MACROD2: variants seen among roughly 807,000 people sequenced by gnomAD.
The protein encoded by MACROD2 is ADP-ribose glycohydrolase MACROD2.
A neutral mutation model predicts 70.4 loss-of-function variants in MACROD2; 36 were observed. That is an observed-to-expected ratio of 0.51 (90% CI 0.39 to 0.68). The LOEUF (loss-of-function observed/expected upper bound fraction) is 0.68, where lower values mean the gene tolerates loss of function less well. Among genes scored for constraint, MACROD2 ranks in the 30% least tolerant of loss-of-function variants. The pLI, the probability that MACROD2 is intolerant of heterozygous loss-of-function variation, is 0.00. For synonymous variants in MACROD2, 172 were observed against 178.8 expected (o/e 0.96, Z 0.30); for missense variants, 496 against 538.4 (o/e 0.92, Z 0.78).
intron 6 of MACROD2, among the ~76,000 whole-genome samples, chr20:15,234,009 A>ATTTTTTTTTT (rs1342277075): frequency 1.0e-4 from 4 of 39,994 alleles, no homozygotes; most frequent in Non-Finnish European, 1.9e-4. Context: ...ATATATATAT[A>ATTTTTTTTTT]TTCTTTTTTT....
intron 2 of MACROD2, among the ~76,000 whole-genome samples, chr20:14,080,110 G>C (rs1265555953): frequency 6.6e-6 from 1 of 152,086 alleles, no homozygotes; most frequent in Non-Finnish European, 1.5e-5. Flanking sequence ...AAATATGGTA[G>C]TGCTTGGCTT....
chr20:14,706,771 G>T (rs1226756493), intron 5 of MACROD2, among the ~76,000 whole-genome samples: 3 of 152,020 alleles, frequency 2.0e-5, no homozygotes, highest in Admixed American at 6.6e-5. Flanking sequence ...ATCTCTGCTT[G>T]TTGGCAGAAA....
intron 4 of MACROD2, among the ~76,000 whole-genome samples, chr20:14,543,902 A>G (rs2327862): frequency 0.28 from 41,990 of 152,042 alleles, 6,089 homozygotes; most frequent in East Asian, 0.45. Flanking sequence ...TCTTATCAAA[A>G]AGAATTTCCC....
intron 13 of MACROD2, among the ~76,000 whole-genome samples, chr20:15,978,778 T>A (rs1367836340): frequency 6.6e-6 from 1 of 152,000 alleles, no homozygotes. Flanking sequence ...AAATGAAAGA[T>A]CCAAGAGACA....
chr20:15,633,949 C>G (rs1236546323), intron 8 of MACROD2, among the ~76,000 whole-genome samples: 1 of 152,134 alleles, frequency 6.6e-6, no homozygotes, highest in African/African-American at 2.4e-5. Flanking sequence ...TTTTTTTAAA[C>G]TCAAAAGTTT....
intron 5 of MACROD2, among the ~76,000 whole-genome samples, chr20:15,119,585 A>G (rs1465717349): frequency 6.6e-6 from 1 of 152,244 alleles, no homozygotes; most frequent in African/African-American, 2.4e-5. Flanking sequence ...AAAAAAGATT[A>G]AAGATTAATG....
intron 1 of MACROD2, among the ~76,000 whole-genome samples, chr20:13,997,095 A>G (rs562163709): frequency 5.3e-5 from 8 of 152,146 alleles, no homozygotes; most frequent in African/African-American, 1.9e-4. Flanking sequence ...TTTTTTTTTC[A>G]AATTTACTGC....
chr20:15,687,301 T>A (rs200320613), intron 8 of MACROD2, among the ~76,000 whole-genome samples: 26 of 147,332 alleles, frequency 1.8e-4, no homozygotes, highest in South Asian at 1.7e-3. Flanking sequence ...TATATATATT[T>A]TATATATATA....
intron 6 of MACROD2, among the ~76,000 whole-genome samples, chr20:15,341,645 A>G (rs2078111179): frequency 6.6e-6 from 1 of 152,238 alleles, no homozygotes; most frequent in Non-Finnish European, 1.5e-5. Flanking sequence ...TATTTCTTCA[A>G]CATGCAAAAG....
intron 5 of MACROD2, among the ~76,000 whole-genome samples, chr20:15,078,882 G>T (rs919880150): frequency 6.6e-6 from 1 of 152,024 alleles, no homozygotes; most frequent in Non-Finnish European, 1.5e-5. Context: ...CTGACCTCAG[G>T]TGATCCACCT....
chr20:15,841,916 T>C (rs1373482317), intron 8 of MACROD2, among the ~76,000 whole-genome samples: 1 of 152,112 alleles, frequency 6.6e-6, no homozygotes, highest in East Asian at 1.9e-4. Flanking sequence ...TCCTCTTATA[T>C]AGTAATGGGA....
At chr20:14,941,779 TCTC>T (rs2074391866) in intron 5 of MACROD2, among the ~76,000 whole-genome samples, 1 of 142,242 alleles carries the variant, frequency 7.0e-6, no homozygotes, top group Non-Finnish European at 1.5e-5. Flanking sequence ...TCTTTCTCTC[TCTC>T]TTTTTTTTTT....
intron 3 of MACROD2, among the ~76,000 whole-genome samples, chr20:14,395,467 TTG>T (rs148364410): frequency 1.6e-3 from 250 of 152,262 alleles, no homozygotes; most frequent in African/African-American, 5.7e-3. Flanking sequence ...TTTTTGTAAT[TTG>T]TGTCTTTATT....
At chr20:15,991,100 A>G (rs1436380203) in intron 15 of MACROD2, among the ~76,000 whole-genome samples, 1 of 152,198 alleles carries the variant, frequency 6.6e-6, no homozygotes, top group African/African-American at 2.4e-5. Flanking sequence ...CAATGATTGG[A>G]CAGCTAATTA....
intron 5 of MACROD2, among the ~76,000 whole-genome samples, chr20:14,843,341 T>C (rs1318216404): frequency 6.6e-6 from 1 of 151,412 alleles, no homozygotes; most frequent in Non-Finnish European, 1.5e-5. Flanking sequence ...ATATATTTTA[T>C]TATATATATA....
intron 3 of MACROD2, among the ~76,000 whole-genome samples, chr20:14,117,780 AAT>A (rs2054533895): frequency 6.6e-6 from 1 of 152,132 alleles, no homozygotes. Flanking sequence ...GGTATCTTGA[AAT>A]ATAGTTTTTC....
intron 3 of MACROD2, among the ~76,000 whole-genome samples, chr20:14,162,118 TC>T (rs2055199166): frequency 6.6e-6 from 1 of 152,222 alleles, no homozygotes; most frequent in Non-Finnish European, 1.5e-5. Flanking sequence ...TTTTATTTCA[TC>T]CTTGACCGAG....
At chr20:14,678,142 A>G (rs1006969492) in intron 4 of MACROD2, among the ~76,000 whole-genome samples, 1 of 152,132 alleles carries the variant, frequency 6.6e-6, no homozygotes, top group Non-Finnish European at 1.5e-5. Context: ...TTGCTGCACC[A>G]TCTCCTGGGT....
rs144828793 is a variant in MACROD2, at chr20:14,438,368, G to A, written c.272-55111G>A. Among the ~76,000 whole-genome samples the A allele has an allele frequency of 7.2e-5, 11 of 152,296 alleles. No homozygotes were observed. In the East Asian group the frequency reaches 2.1e-3, roughly 29 times the overall value. On this transcript the variant is annotated intron_variant, in intron 3 of 17. Coordinates refer to ENST00000684519, the MANE Select transcript of MACROD2 (RefSeq NM_001351661.2). ...CTTGGCCATCGTGAATAGTGCTGCT[G>A]TGAACATGGAAGTGCCAATGTTTCT...
Sources: allele counts gnomAD v4.1 joint callset (sites outside exome capture counted in the v4.1 genomes callset), GRCh38; gene constraint gnomAD v4.1.1; transcripts MANE v1.5; gene names NCBI Gene and HGNC (gene_info 2026-07-23, HGNC 2026-07-21).